Variants in TXNL4B observed in about 807,000 individuals in gnomAD.
TXNL4B encodes the protein thioredoxin-like protein 4B.
In TXNL4B, 12 loss-of-function variants were observed where a neutral mutation model predicts 13.0. The observed-to-expected ratio is 0.92, with a 90% CI of 0.59 to 1.49. The LOEUF (loss-of-function observed/expected upper bound fraction) is 1.49, where lower values mean the gene tolerates loss of function less well. TXNL4B is among the 40% of genes most tolerant of loss of function. The pLI, the probability that TXNL4B is intolerant of heterozygous loss-of-function variation, is 0.00. For missense variants in TXNL4B, 214 were observed against 173.6 expected (o/e 1.23, Z -1.31); for synonymous variants, 59 against 58.9 (o/e 1.00, Z -0.01).
intron 1 of TXNL4B, among the ~76,000 whole-genome samples, chr16:72,091,300 C>T (rs1028347492): frequency 1.3e-5 from 2 of 152,108 alleles, no homozygotes; most frequent in African/African-American, 4.8e-5. Flanking sequence ...AATTGTGTGG[C>T]AGAAAGAGGT....
rs1184730253 is a variant in TXNL4B, at chr16:72,086,133, GAGATGGGAA to G, written c.*495_*503del. The G allele has an allele frequency of 2.0e-5, 3 of 152,554 alleles. No homozygotes were observed. Among genetic ancestry groups the G allele is most frequent in the Non-Finnish European group, 4.4e-5 (3 of 68,342 alleles). The allele number at this position is 152,554 out of a possible 1,614,324, so 9.5% of individuals were successfully genotyped here. The stretch of plus-strand genomic sequence containing the variant: ...AGAGAACCTACAGTAATACAGACTG[GAGATGGGAA>G]AGCACGAGGGATGTATGAGTCGAGG... On this transcript the variant is annotated 3_prime_UTR_variant, in exon 4 of 4. Coordinates refer to ENST00000268483, the MANE Select transcript of TXNL4B (RefSeq NM_017853.3).
At chr16:72,087,964 C>T (rs950616387) in intron 3 of TXNL4B, among the ~76,000 whole-genome samples, 7 of 152,180 alleles carry the variant, frequency 4.6e-5, no homozygotes, top group East Asian at 1.9e-4. Context: ...GGACTACATG[C>T]GCCCGCCACC....
upstream of TXNL4B, chr16:72,094,119 G>C (rs1037582489): frequency 3.3e-5 from 5 of 152,640 alleles, no homozygotes; most frequent in African/African-American, 1.2e-4. Context: ...GGCGGATATT[G>C]GTCCCCTGCT....
intron 2 of TXNL4B, 84 bp downstream of exon 2, chr16:72,090,534 A>T: frequency 3.9e-6 from 5 of 1,283,868 alleles, no homozygotes; most frequent in Non-Finnish European, 5.5e-6. Context: ...AACCCTGACT[A>T]CTCCCTCTCA....
At position 72,086,448 on chromosome 16, in the gene TXNL4B, G is replaced by A. The variant is rs1280029586; in HGVS notation, c.*189C>T. ...CTCTGAGGCTTGCAGGGAGTAGACA[G>A]TTAGGCATCCCAGGTCATCAGAGAA... is the stretch of plus-strand genomic sequence containing the variant. On this transcript the variant is annotated 3_prime_UTR_variant, in exon 4 of 4. Coordinates refer to ENST00000268483, the MANE Select transcript of TXNL4B (RefSeq NM_017853.3). 2.0e-6 allele frequency: 1 copy of A among 501,290 alleles called. No individual in the cohort carries two copies. The highest frequency in any genetic ancestry group is 1.9e-5 in the African/African-American group (1 of 52,058). The allele number at this position is 501,290 out of a possible 1,614,324, so 31.1% of individuals were successfully genotyped here. A position where few individuals can be genotyped will look rare whatever the true frequency, so the allele number is the denominator to read the frequency against.
In TXNL4B at chr16:72,085,386, A is replaced by T. The variant is rs2041808006; in HGVS notation, c.*1251T>A. 1 of 197,298 alleles carries T rather than the reference A, an allele frequency of 5.1e-6. No homozygotes were observed. The highest frequency in any genetic ancestry group is 6.0e-5 in the Admixed American group (1 of 16,610). 12.2% of individuals were successfully genotyped at this position (197,298 alleles called of 1,614,324 possible). On this transcript the variant is annotated 3_prime_UTR_variant, in exon 4 of 4. Transcript: ENST00000268483. ...TCTGCACCTACCCTCTCCTTCTAAT[A>T]AATCTGTTTCAATAACCACCACGAG...
At chr16:72,092,661 A>G (rs971113580) in intron 1 of TXNL4B, among the ~76,000 whole-genome samples, 3 of 152,192 alleles carry the variant, frequency 2.0e-5, no homozygotes, top group Admixed American at 6.5e-5. Context: ...GGGAGAACAA[A>G]GTTGTTAGTG....
At chr16:72,090,882 T>A in intron 1 of TXNL4B, 96 bp from the exon 2 acceptor site, 1 of 988,776 alleles carries the variant, frequency 1.0e-6, no homozygotes, top group Non-Finnish European at 1.5e-6. Context: ...TGTATTCACA[T>A]GGTATGAAAG....
intron 3 of TXNL4B, chr16:72,087,274 T>A (rs1052352881): frequency 6.5e-6 from 1 of 152,892 alleles, no homozygotes; most frequent in Non-Finnish European, 1.4e-5. Flanking sequence ...AAGAAATAAA[T>A]AAAATCACGG....
Position 72,085,008 on chromosome 16 carries a change from A to C in TXNL4B, c.*1629T>G. 2.5e-6 allele frequency: 1 copy of C among 398,660 alleles called. No homozygotes were observed. The highest frequency in any genetic ancestry group is 4.4e-6 in the Non-Finnish European group (1 of 226,080). The allele number at this position is 398,660 out of a possible 1,614,324, so 24.7% of individuals were successfully genotyped here. On this transcript the variant is annotated 3_prime_UTR_variant, in exon 4 of 4. Coordinates refer to ENST00000268483, the MANE Select transcript of TXNL4B (RefSeq NM_017853.3). ...TGATGCTGGGCACCTCGGGGACCTA[A>C]GATGGCTGTTGTAGCTCCATGCATC...
At chr16:72,093,960 T>C (rs1223651628), upstream of TXNL4B, 1 of 152,350 alleles carries the variant, frequency 6.6e-6, no homozygotes, top group African/African-American at 2.4e-5. Context: ...AAGGTGTGGA[T>C]TTTGGCTCCT....
chr16:72,088,244 G>A (rs8059378), intron 3 of TXNL4B, among the ~76,000 whole-genome samples: 71,459 of 152,094 alleles, frequency 0.47, 18,704 homozygotes, highest in African/African-American at 0.71. Flanking sequence ...GATTACAGGC[G>A]TGAGCCACTA....
At chr16:72,087,183 G>A (rs2041835188) in intron 3 of TXNL4B, 2 of 161,986 alleles carry the variant, frequency 1.2e-5, no homozygotes, top group Admixed American at 1.3e-4. Flanking sequence ...AATATTCATG[G>A]CCTTTTGAGT....
At chr16:72,092,824 T>C (rs1364229161) in intron 1 of TXNL4B, among the ~76,000 whole-genome samples, 1 of 152,148 alleles carries the variant, frequency 6.6e-6, no homozygotes. Context: ...AGTTAAGCTT[T>C]ACCAGTAAGC....
chr16:72,089,261 A>C, intron 2 of TXNL4B, 123 bp from the exon 3 acceptor site: 1 of 753,240 alleles, frequency 1.3e-6, no homozygotes, highest in Admixed American at 2.6e-5. Context: ...AATGCAGCCC[A>C]TGTGGCTCCC....
rs2041824504 is a variant in TXNL4B at position 72,086,476 on chromosome 16, A to G, written c.*161T>C. Reference sequence around the variant, plus strand: ...AGGCATCCCAGGTCATCAGAGAACCAGTGGGGTCTTTTCCTCAGGGGCCGG... The same window carrying G: ...AGGCATCCCAGGTCATCAGAGAACCGGTGGGGTCTTTTCCTCAGGGGCCGG... On this transcript the variant is annotated 3_prime_UTR_variant, in exon 4 of 4. Coordinates refer to ENST00000268483, the MANE Select transcript of TXNL4B (RefSeq NM_017853.3). The G allele has an allele frequency of 7.1e-6, 4 of 563,124 alleles. No homozygotes were observed. The highest frequency in any genetic ancestry group is 1.2e-5 in the Non-Finnish European group (4 of 326,722). 34.9% of individuals were successfully genotyped at this position (563,124 alleles called of 1,614,324 possible).
rs1390596614 is a variant in TXNL4B, at chr16:72,085,406, C to A, written c.*1231G>T. ...CTAATAAATCTGTTTCAATAACCAC[C>A]ACGAGGTTTAAAGAGGAGCAGTAAC... is the stretch of plus-strand genomic sequence containing the variant. On this transcript the variant is annotated 3_prime_UTR_variant, in exon 4 of 4. Transcript: ENST00000268483. 1 of 176,654 alleles carries A rather than the reference C, an allele frequency of 5.7e-6. No individual in the cohort carries two copies. The highest frequency in any genetic ancestry group is 1.5e-4 in the East Asian group (1 of 6,814). 10.9% of individuals were successfully genotyped at this position (176,654 alleles called of 1,614,324 possible). A position where few individuals can be genotyped will look rare whatever the true frequency, so the allele number is the denominator to read the frequency against.
intron 3 of TXNL4B, among the ~76,000 whole-genome samples, chr16:72,088,726 C>T (rs916268316): frequency 2.0e-5 from 3 of 152,136 alleles, no homozygotes; most frequent in African/African-American, 7.2e-5. Context: ...ACTATTTCTT[C>T]ATACTTAAGT....
chr16:72,087,124 C>T (rs2041834390), intron 3 of TXNL4B, among the ~76,000 whole-genome samples: 1 of 152,178 alleles, frequency 6.6e-6, no homozygotes, highest in Non-Finnish European at 1.5e-5. Flanking sequence ...CACATTGTTT[C>T]TTCGTTTGCT....
Sources: gnomAD v4.1 joint callset for allele counts (sites outside exome capture counted in the v4.1 genomes callset) on GRCh38, gnomAD v4.1.1 for gene constraint, MANE v1.5 for transcripts, NCBI Gene and HGNC (gene_info 2026-07-23, HGNC 2026-07-21) for gene names.